VTCN1: variants seen among roughly 807,000 people sequenced by gnomAD.
The protein encoded by VTCN1 is V-set domain-containing T-cell activation inhibitor 1.
A neutral mutation model predicts 26.5 loss-of-function variants in VTCN1; 26 were observed. The ratio of observed to expected loss-of-function variants is 0.98; its 90% CI spans 0.72 to 1.36. VTCN1 has a LOEUF of 1.36. Among genes scored for constraint, VTCN1 ranks in the 40% most tolerant of loss-of-function variants. VTCN1 has a pLI of 0.00. For missense variants in VTCN1, 298 were observed against 337.7 expected, an observed-to-expected ratio of 0.88 and a Z score of 0.92; for synonymous variants, 116 against 130.7, an observed-to-expected ratio of 0.89 and a Z score of 0.77.
At chr1:117,168,733 T>C (rs1207038910) in intron 2 of VTCN1, among the ~76,000 whole-genome samples, 1 of 152,156 alleles carries the variant, frequency 6.6e-6, no homozygotes, top group Non-Finnish European at 1.5e-5. Flanking sequence ...AAAAAATGAA[T>C]GGAAGATAAA....
intron 1 of VTCN1, among the ~76,000 whole-genome samples, chr1:117,204,867 CAAAAAAG>C (rs1648963568): frequency 6.6e-6 from 1 of 150,890 alleles, no homozygotes; most frequent in African/African-American, 2.4e-5. Flanking sequence ...CTCTGTCTCA[CAAAAAAG>C]AAAAAAGAAA....
At chr1:117,181,437 C>T (rs1385250880) in intron 1 of VTCN1, among the ~76,000 whole-genome samples, 2 of 152,190 alleles carry the variant, frequency 1.3e-5, no homozygotes, top group Admixed American at 1.3e-4. Flanking sequence ...TTTTCTAACC[C>T]TTCTCCCTTT....
At chr1:117,174,191 C>T (rs888188838) in intron 1 of VTCN1, among the ~76,000 whole-genome samples, 1 of 152,160 alleles carries the variant, frequency 6.6e-6, no homozygotes, top group African/African-American at 2.4e-5. Flanking sequence ...TAATGCAAAA[C>T]TATGTCTTCT....
Position 117,191,971 on chromosome 1 carries a change from G to A in VTCN1, c.32+18853C>T, listed in dbSNP as rs112053294. Among the ~76,000 whole-genome samples, 1,210 of 150,014 alleles carry A rather than the reference G, an allele frequency of 8.1e-3. 19 individuals carry two copies. The highest frequency in any genetic ancestry group is 0.028 in the African/African-American group (1,148 of 40,644). On this transcript the variant is annotated intron_variant, in intron 1 of 5. Coordinates refer to ENST00000369458, the MANE Select transcript of VTCN1 (RefSeq NM_024626.4). ...CAAGCAAGACCCTGTGGGGTGGGAG[G>A]GAAATGTAGTAGTTGAAAATTTCCC... is the stretch of plus-strand genomic sequence containing the variant.
chr1:117,165,260 C>T (rs945382171), intron 2 of VTCN1, among the ~76,000 whole-genome samples: 1 of 152,182 alleles, frequency 6.6e-6, no homozygotes, highest in Non-Finnish European at 1.5e-5. Flanking sequence ...ATAACATCTA[C>T]CTCCTATTTG....
In VTCN1 at chr1:117,146,308, A is replaced by G. The variant is rs190974559; in HGVS notation, c.*46-1083T>C. Reference sequence around the variant, plus strand: ...TGACAACTGTGGAGGATTGGAAATGATGAAAACTGGCGGGTTTCCTTACAA... The same window carrying G: ...TGACAACTGTGGAGGATTGGAAATGGTGAAAACTGGCGGGTTTCCTTACAA... On this transcript the variant is annotated intron_variant, in intron 5 of 5. Coordinates refer to ENST00000369458, the MANE Select transcript of VTCN1 (RefSeq NM_024626.4). The surrounding 1 kb of genome is among the most constrained non-coding windows in gnomAD (Gnocchi z 4.2). 6.6e-6 allele frequency among the ~76,000 whole-genome samples: 1 copy of G among 152,304 alleles called. No individual in the cohort carries two copies. Among genetic ancestry groups the G allele is most frequent in the East Asian group, 1.9e-4 (1 of 5,184 alleles).
At chr1:117,166,715 A>T (rs1652632370) in intron 2 of VTCN1, among the ~76,000 whole-genome samples, 1 of 151,748 alleles carries the variant, frequency 6.6e-6, no homozygotes, top group Non-Finnish European at 1.5e-5. Context: ...GGAAGGTACC[A>T]AAATGTACTT....
intron 2 of VTCN1, among the ~76,000 whole-genome samples, chr1:117,163,824 A>G (rs1490201651): frequency 6.6e-6 from 1 of 152,166 alleles, no homozygotes; most frequent in Non-Finnish European, 1.5e-5. Context: ...AAAAACCACA[A>G]AATAAGTGTA....
At chr1:117,209,539 G>A (rs1027868992) in intron 1 of VTCN1, among the ~76,000 whole-genome samples, 3 of 152,308 alleles carry the variant, frequency 2.0e-5, no homozygotes, top group East Asian at 1.9e-4. Flanking sequence ...TGGTGGACAC[G>A]CTGCTCTAAG....
rs558916068 is a variant in VTCN1, at chr1:117,147,438, G to A, written c.*45+175C>T. ...CTATGGGTCTGTCAATGAAGTCTATGCTGTTTGCTGACCTAACAAATGATT... is the reference window on the plus strand; with the variant it reads ...CTATGGGTCTGTCAATGAAGTCTATACTGTTTGCTGACCTAACAAATGATT... On this transcript the variant is annotated intron_variant, in intron 5 of 5. Coordinates refer to ENST00000369458, the MANE Select transcript of VTCN1 (RefSeq NM_024626.4). The surrounding 1 kb of genome is among the most constrained non-coding windows in gnomAD (Gnocchi z 4.6). 6.6e-6 allele frequency among the ~76,000 whole-genome samples: 1 copy of A among 152,302 alleles called. No homozygotes were observed. Among genetic ancestry groups the A allele is most frequent in the East Asian group, 1.9e-4 (1 of 5,190 alleles).
intron 4 of VTCN1, among the ~76,000 whole-genome samples, chr1:117,148,025 A>G (rs894900826): frequency 6.6e-6 from 1 of 152,196 alleles, no homozygotes; most frequent in Non-Finnish European, 1.5e-5. Flanking sequence ...AACTATACCA[A>G]TAAGAGATTG....
intron 1 of VTCN1, among the ~76,000 whole-genome samples, chr1:117,171,438 C>A (rs1350125963): frequency 6.6e-6 from 1 of 152,154 alleles, no homozygotes; most frequent in Non-Finnish European, 1.5e-5. Flanking sequence ...CACTGTCTTC[C>A]ACAATGGTTG....
chr1:117,198,770 G>A (rs537711626), intron 1 of VTCN1, among the ~76,000 whole-genome samples: 24 of 152,348 alleles, frequency 1.6e-4, no homozygotes, highest in African/African-American at 5.5e-4. Context: ...TTTAATACCT[G>A]TCATTTGAGA....
At position 117,146,915 on chromosome 1, in the gene VTCN1, G is replaced by C. The variant is rs1651541803; in HGVS notation, c.*45+698C>G. Among the ~76,000 whole-genome samples, 1 of 152,144 alleles carries C rather than the reference G, an allele frequency of 6.6e-6. No homozygotes were observed. Among genetic ancestry groups the C allele is most frequent in the Admixed American group, 6.5e-5 (1 of 15,272 alleles). ...GTGTGAGATGATGAAGGCTGGATTAGGGTCAATCTGAGAGGCAACACAGGG... is the reference window on the plus strand; with the variant it reads ...GTGTGAGATGATGAAGGCTGGATTACGGTCAATCTGAGAGGCAACACAGGG... On this transcript the variant is annotated intron_variant, in intron 5 of 5. Coordinates refer to ENST00000369458, the MANE Select transcript of VTCN1 (RefSeq NM_024626.4). The surrounding 1 kb of genome is among the most constrained non-coding windows in gnomAD (Gnocchi z 4.2).
chr1:117,201,256 A>G (rs1490239956), intron 1 of VTCN1, among the ~76,000 whole-genome samples: 1 of 152,190 alleles, frequency 6.6e-6, no homozygotes, highest in Non-Finnish European at 1.5e-5. Context: ...CTGTCCCAAA[A>G]GCCCCTCAGC....
intron 1 of VTCN1, among the ~76,000 whole-genome samples, chr1:117,179,261 G>C (rs1647555432): frequency 6.6e-6 from 1 of 152,180 alleles, no homozygotes; most frequent in South Asian, 2.1e-4. Context: ...TACCCTTGCT[G>C]TGTCGACCAA....
chr1:117,179,335 G>A (rs1007897940), intron 1 of VTCN1, among the ~76,000 whole-genome samples: 4 of 152,242 alleles, frequency 2.6e-5, no homozygotes, highest in Non-Finnish European at 5.9e-5. Context: ...AAATCAGGGC[G>A]GTGATATGAC....
At position 117,163,802 on chromosome 1, in the gene VTCN1, A is replaced by G. The variant is rs2101493839; in HGVS notation, c.97+6305T>C. Among the ~76,000 whole-genome samples the G allele has an allele frequency of 2.6e-5, 4 of 152,350 alleles. No individual in the cohort carries two copies. In the Middle Eastern group the frequency reaches 0.014, roughly 518 times the overall value. Reference sequence around the variant, plus strand: ...GAAGATATCCCTACTTCACTTAAAAATCAAAACAACTAAAAACCACAAAAT... The same window carrying G: ...GAAGATATCCCTACTTCACTTAAAAGTCAAAACAACTAAAAACCACAAAAT... On this transcript the variant is annotated intron_variant, in intron 2 of 5. Transcript: ENST00000369458.
chr1:117,204,204 G>A (rs1648929415), intron 1 of VTCN1, among the ~76,000 whole-genome samples: 1 of 152,154 alleles, frequency 6.6e-6, no homozygotes, highest in South Asian at 2.1e-4. Context: ...AACACATAAA[G>A]TGCTAACTAT....
Sources: allele counts gnomAD v4.1 joint callset (sites outside exome capture counted in the v4.1 genomes callset), GRCh38; gene constraint gnomAD v4.1.1; non-coding constraint Gnocchi (gnomAD v3.1); transcripts MANE v1.5; gene names NCBI Gene and HGNC (gene_info 2026-07-23, HGNC 2026-07-21).